NIPSNAP2: variants seen among roughly 807,000 people sequenced by gnomAD.
NIPSNAP2 encodes the protein protein NipSnap homolog 2.
Under a neutral mutation model 48.4 loss-of-function variants are expected in NIPSNAP2, and 42 were observed. The ratio of observed to expected loss-of-function variants is 0.87; its 90% CI spans 0.68 to 1.12. The LOEUF is 1.12. Among genes scored for constraint, NIPSNAP2 ranks in the 50% most tolerant of loss-of-function variants. The pLI is 0.00. For synonymous variants in NIPSNAP2, 158 were observed against 126.6 expected, an observed-to-expected ratio of 1.25 and a Z score of -1.67; for missense variants, 314 against 347.3, an observed-to-expected ratio of 0.90 and a Z score of 0.76.
chr7:55,994,817 G>A, intron 7 of NIPSNAP2, 77 bp from the exon 8 acceptor site: 1 of 1,193,032 alleles, frequency 8.4e-7, no homozygotes, highest in Non-Finnish European at 1.3e-6. Flanking sequence ...CCCTGAGTAT[G>A]GTGAAGGTTT....
At chr7:55,990,315 G>A (rs1387318024) in intron 7 of NIPSNAP2, among the ~76,000 whole-genome samples, 1 of 148,802 alleles carries the variant, frequency 6.7e-6, no homozygotes, top group Non-Finnish European at 1.5e-5. Context: ...TGCAAGCTCC[G>A]CCTCCCAGGT....
intron 5 of NIPSNAP2, among the ~76,000 whole-genome samples, chr7:55,983,495 A>G (rs1787263136): frequency 6.6e-6 from 1 of 152,170 alleles, no homozygotes; most frequent in South Asian, 2.1e-4. Flanking sequence ...ATTGCCACCT[A>G]AATAATTAGG....
chr7:55,971,633 T>C (rs765511666), intron 1 of NIPSNAP2, among the ~76,000 whole-genome samples: 3 of 152,050 alleles, frequency 2.0e-5, no homozygotes, highest in Non-Finnish European at 4.4e-5. Flanking sequence ...CAGCTACTCT[T>C]TTTATTTTTT....
intron 1 of NIPSNAP2, among the ~76,000 whole-genome samples, chr7:55,976,137 G>A (rs1331042632): frequency 6.6e-6 from 1 of 152,000 alleles, no homozygotes; most frequent in Non-Finnish European, 1.5e-5. Flanking sequence ...CCCACCCCAG[G>A]CCCAGTCATG....
At chr7:55,978,421 T>G (rs745557001) in intron 3 of NIPSNAP2, 26 bp downstream of exon 3, 1 of 1,582,206 alleles carries the variant, frequency 6.3e-7, no homozygotes, top group Non-Finnish European at 8.6e-7. Flanking sequence ...TATCCTTTAC[T>G]TGGGGAAAAA....
chr7:55,976,309 G>A (rs1225824973), intron 1 of NIPSNAP2, among the ~76,000 whole-genome samples: 1 of 152,206 alleles, frequency 6.6e-6, no homozygotes, highest in East Asian at 1.9e-4. Context: ...CTGACGGGGA[G>A]TATTTCCTAA....
At chr7:55,970,839 C>A (rs1163195667) in intron 1 of NIPSNAP2, among the ~76,000 whole-genome samples, 1 of 152,112 alleles carries the variant, frequency 6.6e-6, no homozygotes, top group Non-Finnish European at 1.5e-5. Flanking sequence ...CCCTCCAAAA[C>A]AGAGCCAGAG....
chr7:55,983,985 G>A (rs1367835096), intron 6 of NIPSNAP2, 117 bp downstream of exon 6: 5 of 647,420 alleles, frequency 7.7e-6, no homozygotes, highest in Admixed American at 3.7e-5. Context: ...AGCATTATAT[G>A]TATATATATG....
At chr7:55,990,508 G>A (rs1787421146) in intron 7 of NIPSNAP2, among the ~76,000 whole-genome samples, 1 of 152,164 alleles carries the variant, frequency 6.6e-6, no homozygotes, top group South Asian at 2.1e-4. Flanking sequence ...TGGGATTACA[G>A]GCATGAGCCA....
At chr7:55,973,083 G>T (rs1772664987) in intron 1 of NIPSNAP2, among the ~76,000 whole-genome samples, 1 of 151,950 alleles carries the variant, frequency 6.6e-6, no homozygotes, top group Non-Finnish European at 1.5e-5. Context: ...TCCAGCCTGA[G>T]TGACAAAGTG....
At chr7:55,988,286 A>G (rs1268634691) in intron 7 of NIPSNAP2, among the ~76,000 whole-genome samples, 1 of 152,168 alleles carries the variant, frequency 6.6e-6, no homozygotes, top group African/African-American at 2.4e-5. Flanking sequence ...AATAAATTTT[A>G]AAACTTTTTA....
intron 9 of NIPSNAP2, among the ~76,000 whole-genome samples, chr7:55,998,493 GTTTTTTTT>G (rs1164855630): frequency 4.7e-5 from 3 of 63,196 alleles, no homozygotes; most frequent in African/African-American, 1.1e-4. Flanking sequence ...GGTAGGATCT[GTTTTTTTT>G]TTTTTTTTTT....
intron 9 of NIPSNAP2, among the ~76,000 whole-genome samples, chr7:55,998,078 G>A (rs1390510420): frequency 2.0e-5 from 3 of 152,080 alleles, no homozygotes; most frequent in Non-Finnish European, 2.9e-5. Context: ...CCAGCACTTT[G>A]GGAGGCTGAG....
intron 1 of NIPSNAP2, among the ~76,000 whole-genome samples, chr7:55,970,741 T>G (rs73138734): frequency 6.6e-6 from 1 of 152,120 alleles, no homozygotes; most frequent in African/African-American, 2.4e-5. Context: ...TCCAGACATA[T>G]GCCATTCAGT....
intron 8 of NIPSNAP2, among the ~76,000 whole-genome samples, chr7:55,996,264 C>T (rs1357515139): frequency 7.5e-6 from 1 of 133,820 alleles, no homozygotes; most frequent in Non-Finnish European, 1.6e-5. Flanking sequence ...CCAACTTGGG[C>T]AACAGAGCAA....
At chr7:55,969,520 C>T (rs1786969995) in intron 1 of NIPSNAP2, among the ~76,000 whole-genome samples, 2 of 152,138 alleles carry the variant, frequency 1.3e-5, no homozygotes, top group African/African-American at 4.8e-5. Context: ...TTACCCATGC[C>T]ACAACAGCTA....
Position 55,999,028 on chromosome 7 carries a change from G to T in NIPSNAP2, c.817G>T (p.Glu273Ter). 3 of 1,613,994 alleles carry T rather than the reference G, an allele frequency of 1.9e-6. No individual in the cohort carries two copies. The highest frequency in any genetic ancestry group is 2.5e-6 in the Non-Finnish European group (3 of 1,179,916). Residue 273 changes from glutamate to a stop codon, truncating the protein, a stop_gained, in exon 10 of 10, where the codon GAA becomes TAA. Transcript: ENST00000322090. LOFTEE classifies it high-confidence loss of function. Reference sequence around the variant, plus strand: ...TTCAGTTCCACTTATTCAGGAAATGGAATCCAGAATCATGATCCCACTGAA... The same window carrying T: ...TTCAGTTCCACTTATTCAGGAAATGTAATCCAGAATCATGATCCCACTGAA... ...YYTVPLIQEM[E>*]SRIMIPLKTS... is the part of the protein sequence containing the mutation.
At chr7:55,968,183 C>A (rs940323531) in intron 1 of NIPSNAP2, among the ~76,000 whole-genome samples, 1 of 152,096 alleles carries the variant, frequency 6.6e-6, no homozygotes, top group African/African-American at 2.4e-5. Context: ...TCCCTGTCTG[C>A]CCCCATTCCC....
intron 1 of NIPSNAP2, among the ~76,000 whole-genome samples, chr7:55,967,630 C>CTATT (rs1233168456): frequency 1.0e-3 from 112 of 111,436 alleles, no homozygotes; most frequent in Admixed American, 5.3e-3. Context: ...CCATGCCCAG[C>CTATT]TATTATTTAT....
Sources: gnomAD v4.1 joint callset for allele counts (sites outside exome capture counted in the v4.1 genomes callset) on GRCh38, gnomAD v4.1.1 for gene constraint, MANE v1.5 for transcripts, NCBI Gene and HGNC (gene_info 2026-07-23, HGNC 2026-07-21) for gene names.